Variants in SPTBN5 observed in about 807,000 individuals in gnomAD.
SPTBN5 encodes the protein spectrin beta chain, non-erythrocytic 5.
In SPTBN5, 513 loss-of-function variants were observed where a neutral mutation model predicts 477.6. The observed-to-expected ratio is 1.07, with a 90% CI of 1.00 to 1.16. The LOEUF (loss-of-function observed/expected upper bound fraction) is 1.16. Among genes scored for constraint, SPTBN5 ranks in the 50% most tolerant of loss-of-function variants. The pLI is 0.00. For synonymous variants in SPTBN5, 2,169 were observed against 2,011.7 expected, an observed-to-expected ratio of 1.08 and a Z score of -2.09; for missense variants, 5,062 against 4,731.8, an observed-to-expected ratio of 1.07 and a Z score of -2.05.
At chr15:41,855,847 G>C in intron 53 of SPTBN5, 102 bp from the exon 54 acceptor site, 1 of 1,265,036 alleles carries the variant, frequency 7.9e-7, no homozygotes, top group Non-Finnish European at 1.1e-6. Flanking sequence ...AATCACCTGG[G>C]AGCTGTCACG....
In SPTBN5 at chr15:41,869,345, C is replaced by T. The variant is rs995236873; in HGVS notation, c.5853+496G>A. 3.3e-5 allele frequency among the ~76,000 whole-genome samples: 5 copies of T among 152,344 alleles called. No homozygotes were observed. In the East Asian group the frequency reaches 5.8e-4, roughly 18 times the overall value. On this transcript the variant is annotated intron_variant, in intron 32 of 67. Coordinates refer to ENST00000320955, the MANE Select transcript of SPTBN5 (RefSeq NM_016642.4). ...GGACAGTGGGATGCCGGGGACACCC[C>T]GTGGCCAGGACCTACTGTCCCAGTC...
chr15:41,856,768 C>T, intron 52 of SPTBN5, 85 bp downstream of exon 52: 11 of 1,422,584 alleles, frequency 7.7e-6, no homozygotes, highest in Non-Finnish European at 1.0e-5. Flanking sequence ...CAGAGAGTTC[C>T]TGGCTGGGCC....
At position 41,870,330 on chromosome 15, in the gene SPTBN5, G is replaced by C. The variant is rs1222670673; in HGVS notation, c.5586C>G (p.Asn1862Lys). The change falls in exon 31 of 68, where the codon AAC becomes AAG. Residue 1862 changes from asparagine (N) to lysine (K), a missense_variant. Physicochemically the swap from Asn to Lys is moderately conservative, Grantham distance 94 (BLOSUM62 0). Coordinates refer to ENST00000320955, the MANE Select transcript of SPTBN5 (RefSeq NM_016642.4). ...QVQEKATSLP[N>K]NVARDLCGLE... is the part of the protein sequence containing the mutation. Reference sequence around the variant, plus strand: ...GCCCACACAGGTCCCGTGCCACATTGTTGGGGAGGCTCGTGGCTTTCTCCT... The same window carrying C: ...GCCCACACAGGTCCCGTGCCACATTCTTGGGGAGGCTCGTGGCTTTCTCCT... 7 of 1,570,774 alleles carry C rather than the reference G, an allele frequency of 4.5e-6. No individual in the cohort carries two copies. Among genetic ancestry groups the C allele is most frequent in the South Asian group, 1.2e-5 (1 of 85,678 alleles).
At chr15:41,851,638 A>G in intron 63 of SPTBN5, 141 bp downstream of exon 63, 1 of 679,616 alleles carries the variant, frequency 1.5e-6, no homozygotes, top group East Asian at 2.7e-5. Flanking sequence ...CCAAGGAGCC[A>G]AACTGCCTGG....
rs1402617586 is a variant in SPTBN5, at chr15:41,855,430, T to G, written c.9219-2A>C. 2 of 1,601,404 alleles carry G rather than the reference T, an allele frequency of 1.2e-6. No homozygotes were observed. The highest frequency in any genetic ancestry group is 2.2e-5 in the South Asian group (2 of 90,774). ...TGCAGCTGGGCTAGCACCTTGGGGC[T>G]GTGGGAAGAGAGCGACAGTCTGGAC... On this transcript the variant is annotated splice_acceptor_variant, in intron 54 of 67. Coordinates refer to ENST00000320955, the MANE Select transcript of SPTBN5 (RefSeq NM_016642.4). LOFTEE classifies it high-confidence loss of function.
chr15:41,893,660 G>C (rs1387003550), intron 1 of SPTBN5, 114 bp from the exon 2 acceptor site: 3 of 1,313,462 alleles, frequency 2.3e-6, no homozygotes, highest in Admixed American at 2.8e-5. Flanking sequence ...GCAGCTTGGA[G>C]CCCAGCCAGG....
At chr15:41,875,422 T>C in intron 22 of SPTBN5, 36 bp downstream of exon 22, 1 of 1,598,444 alleles carries the variant, frequency 6.3e-7, no homozygotes, top group South Asian at 1.1e-5. Flanking sequence ...CAGGCCTCCG[T>C]CTCCCTCTTG....
chr15:41,870,611 C>A lies in SPTBN5; in HGVS notation c.5448-51G>T. 3.4e-6 allele frequency: 5 copies of A among 1,487,752 alleles called. No homozygotes were observed. The South Asian group carries it at 4.6e-5, about 14-fold the overall frequency. 92.2% of individuals were successfully genotyped at this position (1,487,752 alleles called of 1,614,324 possible). On this transcript the variant is annotated intron_variant, in intron 29 of 67. Coordinates refer to ENST00000320955, the MANE Select transcript of SPTBN5 (RefSeq NM_016642.4). ...CCGGGGATCAGCTGCCGGGCCGTGT[C>A]ATTCCTCCCTCCCGCTAGGTCTGGT...
chr15:41,851,158 G>C lies in SPTBN5; in HGVS notation c.10744-8C>G. On this transcript the variant is annotated splice_polypyrimidine_tract_variant and splice_region_variant and intron_variant, in intron 64 of 67. Coordinates refer to ENST00000320955, the MANE Select transcript of SPTBN5 (RefSeq NM_016642.4). ...GGCTATGGAAGCTACTTTCTGAGGA[G>C]AGATGAGAGGCAGGGGTCACTGCGG... 2 of 1,611,884 alleles carry C rather than the reference G, an allele frequency of 1.2e-6. No individual in the cohort carries two copies.
At chr15:41,864,144 A>G in intron 39 of SPTBN5, 120 bp from the exon 40 acceptor site, 2 of 863,420 alleles carry the variant, frequency 2.3e-6, no homozygotes, top group Non-Finnish European at 3.5e-6. Flanking sequence ...ATATTTGGGC[A>G]GTGGGAAGAA....
Position 41,888,073 on chromosome 15 carries a change from C to A in SPTBN5, c.514G>T (p.Ala172Ser). ...TTGGTGGACAGCAGGGCTGCGCTGG[C>A]CCCAAACTCCTCCTGGCGGGACAGG... ...HISLDKEEFG[A>S]SAALLSTKEA... is the part of the protein sequence containing the mutation. The change falls in exon 5 of 68, where the codon GCC (alanine) becomes TCC (serine). Residue 172 changes from alanine (A) to serine (S), a missense_variant. Coordinates refer to ENST00000320955, the MANE Select transcript of SPTBN5 (RefSeq NM_016642.4). The A allele has an allele frequency of 6.4e-7, 1 of 1,571,608 alleles. No homozygotes were observed. Among genetic ancestry groups the A allele is most frequent in the Non-Finnish European group, 8.6e-7 (1 of 1,159,108 alleles).
chr15:41,876,616 G>GTGCC lies in SPTBN5; in HGVS notation c.3879_3882dup (p.Gln1295GlyfsTer11). 6.2e-7 allele frequency: 1 copy of GTGCC among 1,603,974 alleles called. No homozygotes were observed. The highest frequency in any genetic ancestry group is 8.5e-7 in the Non-Finnish European group (1 of 1,176,322). On this transcript the variant is annotated frameshift_variant, in exon 20 of 68. Coordinates refer to ENST00000320955, the MANE Select transcript of SPTBN5 (RefSeq NM_016642.4). LOFTEE classifies it high-confidence loss of function. ...CTCCTCCCCTGGAGCCTGGTCCACT[G>GTGCC]TGCCTGGATACTCTGCAGCTGCTCT...
At chr15:41,893,713 G>A (rs1455700816) in intron 1 of SPTBN5, 167 bp from the exon 2 acceptor site, 1 of 831,358 alleles carries the variant, frequency 1.2e-6, no homozygotes, top group African/African-American at 1.7e-5. Context: ...AATGGCCCAG[G>A]GCCCCCTTTG....
In SPTBN5 at chr15:41,851,806, C is replaced by G. The variant is rs2065774187; in HGVS notation, c.10629G>C (p.Lys3543Asn). ...GCCTCCCGCCAGGCAGCAGGTGCTGCTTGAACTCCAAAGACCCCTCCATGG... is the reference window on the plus strand; with the variant it reads ...GCCTCCCGCCAGGCAGCAGGTGCTGGTTGAACTCCAAAGACCCCTCCATGG... ...TPTMEGSLEF[K>N]QHLLPGGRQP... Residue 3543 changes from lysine to asparagine, a missense_variant, in exon 63 of 68, where the codon AAG (lysine) becomes AAC (asparagine). Transcript: ENST00000320955. 6.2e-7 allele frequency: 1 copy of G among 1,610,736 alleles called. No individual in the cohort carries two copies. The highest frequency in any genetic ancestry group is 1.3e-5 in the African/African-American group (1 of 74,830).
At position 41,852,119 on chromosome 15, in the gene SPTBN5, G is replaced by C; in HGVS notation, c.10584+63C>G. 2.0e-6 allele frequency: 3 copies of C among 1,514,256 alleles called. No homozygotes were observed. The South Asian group carries it at 3.9e-5, about 20-fold the overall frequency. 93.8% of individuals were successfully genotyped at this position (1,514,256 alleles called of 1,614,324 possible). A position where few individuals can be genotyped will look rare whatever the true frequency, so the allele number is the denominator to read the frequency against. On this transcript the variant is annotated intron_variant, in intron 62 of 67. Transcript: ENST00000320955. ...GTGGGCCCTCACCCCCACAGCCCCA[G>C]CCCCACTGCATGCTTCAGGGAGACC...
intron 3 of SPTBN5, 191 bp downstream of exon 3, chr15:41,892,703 C>T (rs2067348804): frequency 6.7e-6 from 4 of 600,556 alleles, no homozygotes. Flanking sequence ...GCTGGGTGCT[C>T]TCCAAGTCAG....
Position 41,855,317 on chromosome 15 carries a change from C to A in SPTBN5, c.9330G>T (p.Leu3110=). 6.2e-7 allele frequency: 1 copy of A among 1,610,126 alleles called. No individual in the cohort carries two copies. Among genetic ancestry groups the A allele is most frequent in the South Asian group, 1.1e-5 (1 of 91,062 alleles). Residue 3110 remains leucine (L), a synonymous_variant, in exon 55 of 68, where the codon CTG becomes CTT. Transcript: ENST00000320955. ...GLQEQLQLHQ[L]ERETLLLDAW... is the part of the protein sequence containing the mutation. ...CGTCGAGGAGCAGGGTCTCTCGCTCCAGCTGGTGTAGCTGCAGCTGCTCCT... is the reference window on the plus strand; with the variant it reads ...CGTCGAGGAGCAGGGTCTCTCGCTCAAGCTGGTGTAGCTGCAGCTGCTCCT...
In SPTBN5 at chr15:41,872,306, T is replaced by G. The variant is rs2066571636; in HGVS notation, c.5161A>C (p.Thr1721Pro). ...QLRALQELAA[T>P]RDRELEGTLR... ...GAGGGGTTATGGTGTCCTCACCGTG[T>G]GGCCGCCAACTCCTGCAGTGCCCGC... is the stretch of plus-strand genomic sequence containing the variant. Residue 1721 changes from threonine (T) to proline (P), a missense_variant, in exon 27 of 68, where the codon ACA becomes CCA. Thr to Pro is a conservative substitution (Grantham distance 38, BLOSUM62 -1). Coordinates refer to ENST00000320955, the MANE Select transcript of SPTBN5 (RefSeq NM_016642.4). The G allele has an allele frequency of 1.2e-6, 2 of 1,610,314 alleles. No homozygotes were observed. The highest frequency in any genetic ancestry group is 2.7e-5 in the African/African-American group (2 of 74,856).
Position 41,893,349 on chromosome 15 carries a change from GC to G in SPTBN5, c.148del (p.Ala50ProfsTer148), listed in dbSNP as rs760218169. On this transcript the variant is annotated frameshift_variant, in exon 2 of 68. Coordinates refer to ENST00000320955, the MANE Select transcript of SPTBN5 (RefSeq NM_016642.4). LOFTEE classifies it high-confidence loss of function. ...YETGHIRKLQ[A>X]RHMQMQEKTF... Reference sequence around the variant, plus strand: ...CTTCTCCTGCATCTGCATGTGCCGGGCCTGTAGCTTGCGAATGTGGCCCGTC... The same window carrying G: ...CTTCTCCTGCATCTGCATGTGCCGGGCTGTAGCTTGCGAATGTGGCCCGTC... 2.5e-6 allele frequency: 4 copies of G among 1,614,006 alleles called. No homozygotes were observed. The Admixed American group carries it at 6.7e-5, about 27-fold the overall frequency.
Sources: allele counts gnomAD v4.1 joint callset (sites outside exome capture counted in the v4.1 genomes callset), GRCh38; gene constraint gnomAD v4.1.1; transcripts MANE v1.5; gene names NCBI Gene and HGNC (gene_info 2026-07-23, HGNC 2026-07-21).